Variants in KCNMA1 observed in about 807,000 individuals in gnomAD.
The protein encoded by KCNMA1 is Calcium-activated potassium channel subunit alpha-1.
KCNMA1 carries 29 observed loss-of-function variants against 140.0 expected under a neutral mutation model. That is an observed-to-expected ratio of 0.21 (90% CI 0.15 to 0.28). KCNMA1 has a LOEUF of 0.28. KCNMA1 is among the 10% of genes least tolerant of loss of function. KCNMA1 has a pLI of 1.00. For missense variants in KCNMA1, 880 were observed against 1,602.2 expected (o/e 0.55, Z 7.70); for synonymous variants, 612 against 611.9 (o/e 1.00, Z 0.00).
At chr10:77,174,283 C>A (rs1231978676) in intron 5 of KCNMA1, among the ~76,000 whole-genome samples, 4 of 152,134 alleles carry the variant, frequency 2.6e-5, no homozygotes, top group Non-Finnish European at 4.4e-5. Context: ...TTATTTATTT[C>A]TTTTAGATAT....
chr10:77,332,105 A>G (rs1359330877), intron 2 of KCNMA1, among the ~76,000 whole-genome samples: 1 of 152,106 alleles, frequency 6.6e-6, no homozygotes, highest in Non-Finnish European at 1.5e-5. Flanking sequence ...ATTGTGGGAG[A>G]CAGATTACAT....
Position 77,183,415 on chromosome 10 carries a change from A to G in KCNMA1, c.808+6T>C, listed in dbSNP as rs1321193240. 1 of 1,599,870 alleles carries G rather than the reference A, an allele frequency of 6.3e-7. No individual in the cohort carries two copies. The highest frequency in any genetic ancestry group is 8.6e-7 in the Non-Finnish European group (1 of 1,167,320). ...AGGAAGGAGAAGGAAAGAGAGGCTGACTTACCAAGCCAACTTCTGTTTAAG... is the reference window on the plus strand; with the variant it reads ...AGGAAGGAGAAGGAAAGAGAGGCTGGCTTACCAAGCCAACTTCTGTTTAAG... On this transcript the variant is annotated splice_donor_region_variant and intron_variant, in intron 5 of 27. Transcript: ENST00000286628.
At chr10:76,890,179 G>T (rs1430664790) in intron 26 of KCNMA1, among the ~76,000 whole-genome samples, 2 of 152,180 alleles carry the variant, frequency 1.3e-5, no homozygotes, top group South Asian at 2.1e-4. Context: ...ACTAGGATTC[G>T]CAGTTCTGAT....
intron 5 of KCNMA1, 99 bp from the exon 6 acceptor site, chr10:77,121,147 T>G: frequency 2.6e-6 from 2 of 781,658 alleles, no homozygotes; most frequent in African/African-American, 3.4e-5. Flanking sequence ...GTCGAAGGGA[T>G]GGGAAGTTCT....
chr10:77,226,901 T>G (rs2051657097), intron 3 of KCNMA1, among the ~76,000 whole-genome samples: 1 of 152,218 alleles, frequency 6.6e-6, no homozygotes, highest in African/African-American at 2.4e-5. Flanking sequence ...GTAGGGGTCT[T>G]TGAGGGAGGT....
intron 2 of KCNMA1, among the ~76,000 whole-genome samples, chr10:77,379,625 A>G (rs1274917720): frequency 6.6e-6 from 1 of 152,036 alleles, no homozygotes; most frequent in Non-Finnish European, 1.5e-5. Context: ...AACTAAAGAG[A>G]AACTTTCTTA....
At chr10:77,412,945 C>A (rs1181075425) in intron 1 of KCNMA1, among the ~76,000 whole-genome samples, 1 of 152,086 alleles carries the variant, frequency 6.6e-6, no homozygotes, top group Non-Finnish European at 1.5e-5. Context: ...GCAATTTCTG[C>A]CTCCCAGGTT....
At chr10:77,518,507 C>T (rs2051455257) in intron 1 of KCNMA1, among the ~76,000 whole-genome samples, 1 of 152,158 alleles carries the variant, frequency 6.6e-6, no homozygotes, top group Non-Finnish European at 1.5e-5. Context: ...GAATCCGTCA[C>T]TTCTCTCTAG....
At chr10:76,878,320 C>T (rs1262227678) in intron 29 of KCNMA1, among the ~76,000 whole-genome samples, 1 of 152,134 alleles carries the variant, frequency 6.6e-6, no homozygotes, top group Non-Finnish European at 1.5e-5. Context: ...GCACCATCAC[C>T]CTTGCTGCAG....
chr10:77,037,173 G>A (rs560046280), intron 15 of KCNMA1, among the ~76,000 whole-genome samples: 1 of 152,188 alleles, frequency 6.6e-6, no homozygotes, highest in African/African-American at 2.4e-5. Flanking sequence ...CTGAAGGCCA[G>A]TGAAGTTCCA....
At chr10:77,435,151 T>C (rs1431469946) in intron 1 of KCNMA1, among the ~76,000 whole-genome samples, 1 of 151,890 alleles carries the variant, frequency 6.6e-6, no homozygotes, top group Non-Finnish European at 1.5e-5. Flanking sequence ...TTGCCTAGGC[T>C]GGCCTCAAAC....
At chr10:77,530,063 T>TAAC (rs1278108158) in intron 1 of KCNMA1, among the ~76,000 whole-genome samples, 1 of 152,206 alleles carries the variant, frequency 6.6e-6, no homozygotes, top group Non-Finnish European at 1.5e-5. Flanking sequence ...TTGTGACTTT[T>TAAC]AAATTCGTTT....
intron 1 of KCNMA1, among the ~76,000 whole-genome samples, chr10:77,487,877 A>C (rs1376921774): frequency 1.3e-5 from 2 of 152,138 alleles, no homozygotes; most frequent in African/African-American, 2.4e-5. Flanking sequence ...AGAACTACAA[A>C]GTCAGGAGTC....
At chr10:77,302,008 G>T (rs1033825146) in intron 2 of KCNMA1, among the ~76,000 whole-genome samples, 5 of 151,916 alleles carry the variant, frequency 3.3e-5, no homozygotes, top group African/African-American at 9.7e-5. Flanking sequence ...GAGACAAGCT[G>T]CCAAATATTA....
chr10:76,887,731 A>G (rs2151724045), intron 27 of KCNMA1: 1 of 588,956 alleles, frequency 1.7e-6, no homozygotes, highest in Middle Eastern at 4.6e-4. Context: ...GAGCCCAGGC[A>G]GAGATGTGGA....
At chr10:77,217,748 AG>A (rs2154184488) in intron 3 of KCNMA1, among the ~76,000 whole-genome samples, 1 of 152,320 alleles carries the variant, frequency 6.6e-6, no homozygotes, top group African/African-American at 2.4e-5. Context: ...ATTCAACAAA[AG>A]CATTGTGATG....
rs554816841 is a variant in KCNMA1, at chr10:77,360,959, T to C, written c.540+42903A>G. Among the ~76,000 whole-genome samples the C allele has an allele frequency of 3.3e-5, 5 of 152,184 alleles. No individual in the cohort carries two copies. The East Asian group carries it at 9.7e-4, about 30-fold the overall frequency. ...GGCAGCTCTGGGAGCCTCTGAATAG[T>C]GACCCTGGGGCTCTCAGAAGTACTA... is the stretch of plus-strand genomic sequence containing the variant. On this transcript the variant is annotated intron_variant, in intron 2 of 27. Transcript: ENST00000286628.
intron 25 of KCNMA1, among the ~76,000 whole-genome samples, chr10:76,900,778 C>T (rs1310249663): frequency 3.3e-5 from 5 of 151,924 alleles, no homozygotes; most frequent in South Asian, 4.2e-4. Flanking sequence ...AAATGACAAT[C>T]GGCATTTGCC....
At chr10:77,317,649 C>A (rs754301796) in intron 2 of KCNMA1, among the ~76,000 whole-genome samples, 11 of 152,254 alleles carry the variant, frequency 7.2e-5, no homozygotes, top group Non-Finnish European at 1.3e-4. Flanking sequence ...TTATTAGCCC[C>A]ATAGCAGCCC....
Sources: gnomAD v4.1 joint callset for allele counts (sites outside exome capture counted in the v4.1 genomes callset) on GRCh38, gnomAD v4.1.1 for gene constraint, MANE v1.5 for transcripts, NCBI Gene and HGNC (gene_info 2026-07-23, HGNC 2026-07-21) for gene names.